Variants in UMPS observed in about 807,000 individuals in gnomAD.
UMPS encodes the protein uridine monophosphate synthetase, also known as uridine 5'-monophosphate synthase.
A neutral mutation model predicts 38.9 loss-of-function variants in UMPS; 21 were observed. The ratio of observed to expected loss-of-function variants is 0.54; its 90% CI spans 0.38 to 0.78. UMPS has a LOEUF of 0.78. UMPS is among the 30% of genes least tolerant of loss of function. UMPS has a pLI of 0.00. For synonymous variants in UMPS, 208 were observed against 219.3 expected, an observed-to-expected ratio of 0.95 and a Z score of 0.45; for missense variants, 533 against 591.6, an observed-to-expected ratio of 0.90 and a Z score of 1.03.
At position 124,730,488 on chromosome 3, in the gene UMPS, C is replaced by A. The variant is rs1376601503; in HGVS notation, c.17C>A (p.Ala6Glu). The A allele has an allele frequency of 6.2e-7, 1 of 1,614,046 alleles. No homozygotes were observed. Among genetic ancestry groups the A allele is most frequent in the African/African-American group, 1.3e-5 (1 of 74,934 alleles). ...CGCGCGACAATGGCGGTCGCTCGTGCAGCTTTGGGGCCATTGGTGACGGGT... is the reference window on the plus strand; with the variant it reads ...CGCGCGACAATGGCGGTCGCTCGTGAAGCTTTGGGGCCATTGGTGACGGGT... Reference protein sequence around the residue: MAVARAALGPLVTGLY... With the variant: MAVAREALGPLVTGLY... Residue 6 changes from alanine to glutamate, a missense_variant, in exon 1 of 6, where the codon GCA becomes GAA. Physicochemically the swap from Ala to Glu is moderately radical, Grantham distance 107 (BLOSUM62 -1). Transcript: ENST00000232607.
rs13315593 is a variant in UMPS at position 124,748,162 on chromosome 3, T to C, written c.*4078T>C. The C allele has an allele frequency of 4.4e-3, 1,987 of 450,252 alleles. 48 individuals carry two copies. The highest frequency in any genetic ancestry group is 0.037 in the African/African-American group (1,831 of 49,758). The allele number at this position is 450,252 out of a possible 1,614,324, so 27.9% of individuals were successfully genotyped here. A position where few individuals can be genotyped will look rare whatever the true frequency, so the allele number is the denominator to read the frequency against. ...CCAGGCTGGTCTCGAACTCCTTAGC[T>C]CAAGTGATCCTCCTGCCTTGGCTTC... is the stretch of plus-strand genomic sequence containing the variant. On this transcript the variant is annotated 3_prime_UTR_variant, in exon 6 of 6. Transcript: ENST00000232607.
intron 1 of UMPS, 75 bp downstream of exon 1, chr3:124,730,702 A>G: frequency 6.5e-7 from 1 of 1,550,136 alleles, no homozygotes; most frequent in Non-Finnish European, 8.8e-7. Context: ...GGGTGACAGG[A>G]GTTGGGCCGT....
chr3:124,746,621 G>A lies in UMPS; in HGVS notation c.*2537G>A. The A allele has an allele frequency of 4.4e-6, 2 of 454,094 alleles. No homozygotes were observed. Among genetic ancestry groups the A allele is most frequent in the South Asian group, 3.1e-5 (2 of 64,470 alleles). 28.1% of individuals were successfully genotyped at this position (454,094 alleles called of 1,614,324 possible). A position where few individuals can be genotyped will look rare whatever the true frequency, so the allele number is the denominator to read the frequency against. Reference sequence around the variant, plus strand: ...TGATCTCTGGGCATTGTAACTCCTGGTCTTAGTGGGGAATATAGGGACCCC... The same window carrying A: ...TGATCTCTGGGCATTGTAACTCCTGATCTTAGTGGGGAATATAGGGACCCC... On this transcript the variant is annotated 3_prime_UTR_variant, in exon 6 of 6. Coordinates refer to ENST00000232607, the MANE Select transcript of UMPS (RefSeq NM_000373.4).
chr3:124,742,161 G>A lies in UMPS; in HGVS notation c.1168G>A (p.Ala390Thr). Residue 390 changes from alanine to threonine, a missense_variant, in exon 5 of 6, where the codon GCT becomes ACT. Ala to Thr is a moderately conservative substitution (Grantham distance 58). Coordinates refer to ENST00000232607, the MANE Select transcript of UMPS (RefSeq NM_000373.4). ...ATTACATTCCATTTAGGTTAGAATG[G>A]CTGAGGAGCACTCTGAATTTGTTGT... ...GDYTRAAVRM[A>T]EEHSEFVVGF... 6.2e-7 allele frequency: 1 copy of A among 1,613,242 alleles called. No homozygotes were observed. The highest frequency in any genetic ancestry group is 2.2e-5 in the East Asian group (1 of 44,854).
intron 1 of UMPS, among the ~76,000 whole-genome samples, chr3:124,732,281 G>A (rs1022176950): frequency 6.6e-6 from 1 of 152,220 alleles, no homozygotes; most frequent in Non-Finnish European, 1.5e-5. Context: ...TTGGAAAGGG[G>A]AGTTGAATTT....
rs749466567 is a variant in UMPS at position 124,743,967 on chromosome 3, A to G, written c.1326A>G (p.Arg442=). The G allele has an allele frequency of 6.2e-7, 1 of 1,614,220 alleles. No homozygotes were observed. Among genetic ancestry groups the G allele is most frequent in the Non-Finnish European group, 8.5e-7 (1 of 1,180,030 alleles). ...YNSPQEVIGK[R]GSDIIIVGRG... ...GCCCACAAGAAGTTATTGGCAAACG[A>G]GGTTCCGATATCATCATTGTAGGTC... is the stretch of plus-strand genomic sequence containing the variant. The change falls in exon 6 of 6, where the codon CGA becomes CGG. Residue 442 remains arginine (R), a synonymous_variant. Coordinates refer to ENST00000232607, the MANE Select transcript of UMPS (RefSeq NM_000373.4).
intron 1 of UMPS, among the ~76,000 whole-genome samples, chr3:124,734,731 T>C (rs1039919669): frequency 6.6e-6 from 1 of 152,198 alleles, no homozygotes; most frequent in Non-Finnish European, 1.5e-5. Flanking sequence ...TTTAAAATAG[T>C]TACAATAGGC....
At chr3:124,738,297 A>G in intron 3 of UMPS, 58 bp downstream of exon 3, 2 of 1,570,698 alleles carry the variant, frequency 1.3e-6, no homozygotes, top group Non-Finnish European at 1.7e-6. Context: ...ACTGAAGAAG[A>G]AAAAGGAAAT....
chr3:124,736,306 G>A (rs1201623528), intron 2 of UMPS, among the ~76,000 whole-genome samples: 1 of 151,936 alleles, frequency 6.6e-6, no homozygotes, highest in Non-Finnish European at 1.5e-5. Flanking sequence ...TGATAGTAAG[G>A]AATTAATGGG....
At chr3:124,741,835 A>G (rs1003645063) in intron 4 of UMPS, among the ~76,000 whole-genome samples, 1 of 152,188 alleles carries the variant, frequency 6.6e-6, no homozygotes, top group African/African-American at 2.4e-5. Context: ...TATGGTTTCT[A>G]TCTAAGATGA....
chr3:124,745,230 C>G lies in UMPS; in HGVS notation c.*1146C>G, dbSNP rs938429050. 1 of 454,094 alleles carries G rather than the reference C, an allele frequency of 2.2e-6. No homozygotes were observed. The highest frequency in any genetic ancestry group is 6.9e-5 in the East Asian group (1 of 14,392). 28.1% of individuals were successfully genotyped at this position (454,094 alleles called of 1,614,324 possible). A position where few individuals can be genotyped will look rare whatever the true frequency, so the allele number is the denominator to read the frequency against. On this transcript the variant is annotated 3_prime_UTR_variant, in exon 6 of 6. Coordinates refer to ENST00000232607, the MANE Select transcript of UMPS (RefSeq NM_000373.4). Reference sequence around the variant, plus strand: ...AGCAGGGGCAGGGTGAGGGCTGTCCCGGTGCTCATTGCACCAGCACACTCA... The same window carrying G: ...AGCAGGGGCAGGGTGAGGGCTGTCCGGGTGCTCATTGCACCAGCACACTCA...
Position 124,748,562 on chromosome 3 carries a change from G to A in UMPS, c.*4478G>A, listed in dbSNP as rs773720798. The A allele has an allele frequency of 7.9e-5, 36 of 454,152 alleles. No individual in the cohort carries two copies. The highest frequency in any genetic ancestry group is 5.4e-4 in the South Asian group (35 of 64,478). The allele number at this position is 454,152 out of a possible 1,614,324, so 28.1% of individuals were successfully genotyped here. The stretch of plus-strand genomic sequence containing the variant: ...GGGGAAAGTCTTCCTCTAGACAAGA[G>A]GCAGAGGGCTCCTCAGAGTCAGATC... On this transcript the variant is annotated 3_prime_UTR_variant, in exon 6 of 6. Coordinates refer to ENST00000232607, the MANE Select transcript of UMPS (RefSeq NM_000373.4).
At position 124,744,053 on chromosome 3, in the gene UMPS, G is replaced by C; in HGVS notation, c.1412G>C (p.Trp471Ser). Reference sequence around the variant, plus strand: ...GCAGAGATGTACAGAAAAGCTGCTTGGGAAGCGTATTTGAGTAGACTTGGT... The same window carrying C: ...GCAGAGATGTACAGAAAAGCTGCTTCGGAAGCGTATTTGAGTAGACTTGGT... ...EAAEMYRKAA[W>S]EAYLSRLGV The change falls in exon 6 of 6, where the codon TGG becomes TCG. Residue 471 changes from tryptophan (W) to serine (S), a missense_variant. Physicochemically the swap from Trp to Ser is radical, Grantham distance 177 (BLOSUM62 -3). Coordinates refer to ENST00000232607, the MANE Select transcript of UMPS (RefSeq NM_000373.4). The C allele has an allele frequency of 6.2e-7, 1 of 1,614,136 alleles. No homozygotes were observed. Among genetic ancestry groups the C allele is most frequent in the Non-Finnish European group, 8.5e-7 (1 of 1,179,992 alleles).
Position 124,747,149 on chromosome 3 carries a change from C to A in UMPS, c.*3065C>A, listed in dbSNP as rs116880739. The A allele has an allele frequency of 4.4e-6, 2 of 453,884 alleles. No homozygotes were observed. Among genetic ancestry groups the A allele is most frequent in the Non-Finnish European group, 8.8e-6 (2 of 226,754 alleles). 28.1% of individuals were successfully genotyped at this position (453,884 alleles called of 1,614,324 possible). On this transcript the variant is annotated 3_prime_UTR_variant, in exon 6 of 6. Transcript: ENST00000232607. ...TCTCAAGTAGCTCTCAAGAGCCTCT[C>A]GAGTGGCTGGAACTACAGGCGTGCA...
intron 2 of UMPS, among the ~76,000 whole-genome samples, chr3:124,736,719 T>TATAA (rs1194104667): frequency 6.6e-6 from 1 of 152,270 alleles, no homozygotes; most frequent in East Asian, 1.9e-4. Context: ...TTAAATATAC[T>TATAA]ATAAATACTT....
intron 1 of UMPS, chr3:124,731,464 A>G: frequency 2.4e-6 from 1 of 425,240 alleles, no homozygotes; most frequent in South Asian, 1.8e-5. Flanking sequence ...ATGTATAGCT[A>G]ATCAATCGCT....
rs766910378 is a variant in UMPS, at chr3:124,744,949, T to C, written c.*865T>C. 2.2e-6 allele frequency: 1 copy of C among 454,014 alleles called. No homozygotes were observed. Among genetic ancestry groups the C allele is most frequent in the South Asian group, 1.6e-5 (1 of 64,462 alleles). 28.1% of individuals were successfully genotyped at this position (454,014 alleles called of 1,614,324 possible). ...AAGGGGAAGGTGACTATAGCTCAGCTCCTGAGCTAGTATCTGGCTGTTATT... is the reference window on the plus strand; with the variant it reads ...AAGGGGAAGGTGACTATAGCTCAGCCCCTGAGCTAGTATCTGGCTGTTATT... On this transcript the variant is annotated 3_prime_UTR_variant, in exon 6 of 6. Transcript: ENST00000232607.
rs1379704520 is a variant in UMPS at position 124,746,701 on chromosome 3, AT to A, written c.*2618del. ...TGAGACTGATGGAGTGGAGAACGCC[AT>A]CCCCCAGCCTCTCCAGCTACTCGAG... On this transcript the variant is annotated 3_prime_UTR_variant, in exon 6 of 6. Transcript: ENST00000232607. 1 of 451,668 alleles carries A rather than the reference AT, an allele frequency of 2.2e-6. No homozygotes were observed. Among genetic ancestry groups the A allele is most frequent in the African/African-American group, 2.0e-5 (1 of 49,556 alleles). The allele number at this position is 451,668 out of a possible 1,614,324, so 28.0% of individuals were successfully genotyped here.
At chr3:124,731,598 G>T in intron 1 of UMPS, 1 of 338,900 alleles carries the variant, frequency 3.0e-6, no homozygotes, top group Non-Finnish European at 5.9e-6. Context: ...AGATCTTCTT[G>T]CCTCGGGTGA....
Sources: allele counts gnomAD v4.1 joint callset (sites outside exome capture counted in the v4.1 genomes callset), GRCh38; gene constraint gnomAD v4.1.1; transcripts MANE v1.5; gene names NCBI Gene and HGNC (gene_info 2026-07-23, HGNC 2026-07-21).